The following SPAG16 variants were observed in gnomAD, a reference collection of about 807,000 sequenced individuals.
SPAG16 encodes the protein sperm associated antigen 16.
In SPAG16, 86 loss-of-function variants were observed where a neutral mutation model predicts 80.4. The ratio of observed to expected loss-of-function variants is 1.07; its 90% CI spans 0.90 to 1.28. The LOEUF is 1.28. Ranked by LOEUF, SPAG16 falls within the 50% of genes most tolerant of loss-of-function variation. SPAG16 has a pLI of 0.00. For synonymous variants in SPAG16, 294 were observed against 265.9 expected (o/e 1.11, Z -1.03); for missense variants, 870 against 765.3 (o/e 1.14, Z -1.61).
intron 10 of SPAG16, among the ~76,000 whole-genome samples, chr2:213,674,677 T>G (rs1348742148): frequency 6.7e-6 from 1 of 150,080 alleles, no homozygotes; most frequent in Middle Eastern, 3.2e-3. Context: ...GAATGATGAT[T>G]TCCAATTTCA....
intron 12 of SPAG16, among the ~76,000 whole-genome samples, chr2:214,005,000 A>C (rs918388520): frequency 1.3e-5 from 2 of 152,238 alleles, no homozygotes; most frequent in Middle Eastern, 3.2e-3. Context: ...TAGAACACTA[A>C]GCACTCAATA....
chr2:214,104,576 G>A (rs530880549), intron 13 of SPAG16, among the ~76,000 whole-genome samples: 1 of 151,684 alleles, frequency 6.6e-6, no homozygotes, highest in South Asian at 2.1e-4. Flanking sequence ...GGCTGGAGTG[G>A]GGGAAGAAAA....
Position 213,788,303 on chromosome 2 carries a change from A to G in SPAG16, c.1071-74182A>G, listed in dbSNP as rs74787920. Among the ~76,000 whole-genome samples the G allele has an allele frequency of 4.0e-3, 613 of 152,064 alleles. 21 individuals carry two copies. In the East Asian group the frequency reaches 0.093, roughly 23 times the overall value. On this transcript the variant is annotated intron_variant, in intron 10 of 15. Coordinates refer to ENST00000331683, the MANE Select transcript of SPAG16 (RefSeq NM_024532.5). ...GAAGTAAATGGTCATAATAACCTAT[A>G]AAAAGGAAATAAGCTACACAATCAC...
chr2:213,293,029 G>A (rs753773642), intron 1 of SPAG16, among the ~76,000 whole-genome samples: 6 of 152,244 alleles, frequency 3.9e-5, no homozygotes, highest in South Asian at 2.1e-4. Context: ...GTAATAATCC[G>A]TATGTGTCAA....
At chr2:213,711,783 G>A (rs1039013205) in intron 10 of SPAG16, among the ~76,000 whole-genome samples, 19 of 151,966 alleles carry the variant, frequency 1.3e-4, no homozygotes, top group Non-Finnish European at 2.4e-4. Flanking sequence ...GCCTCCCAAA[G>A]TGCTGGGATT....
chr2:214,139,011 CTGTT>C (rs2055208997), intron 14 of SPAG16, among the ~76,000 whole-genome samples: 1 of 152,104 alleles, frequency 6.6e-6, no homozygotes, highest in African/African-American at 2.4e-5. Flanking sequence ...AAATAAAACA[CTGTT>C]TGAATTTATT....
intron 13 of SPAG16, among the ~76,000 whole-genome samples, chr2:214,093,639 G>C (rs903381504): frequency 6.6e-6 from 1 of 151,950 alleles, no homozygotes; most frequent in African/African-American, 2.4e-5. Context: ...TTTTTTAACA[G>C]CCATATAGCA....
chr2:213,983,794 A>G (rs1210305005), intron 12 of SPAG16, among the ~76,000 whole-genome samples: 3 of 152,148 alleles, frequency 2.0e-5, no homozygotes, highest in Middle Eastern at 3.4e-3. Flanking sequence ...CCCATTACCT[A>G]CTATTCTTGT....
chr2:214,379,469 G>A (rs2126104257), intron 15 of SPAG16, among the ~76,000 whole-genome samples: 1 of 152,332 alleles, frequency 6.6e-6, no homozygotes, highest in African/African-American at 2.4e-5. Context: ...CACTCCAAGA[G>A]TTGGATATAT....
chr2:213,711,641 T>A (rs1228776553), intron 10 of SPAG16, among the ~76,000 whole-genome samples: 1 of 151,804 alleles, frequency 6.6e-6, no homozygotes, highest in Non-Finnish European at 1.5e-5. Context: ...TCCCTTAGCC[T>A]CCTGAGTAGC....
intron 15 of SPAG16, among the ~76,000 whole-genome samples, chr2:214,207,210 G>A (rs1222930888): frequency 2.6e-5 from 4 of 152,140 alleles, no homozygotes; most frequent in Non-Finnish European, 5.9e-5. Context: ...CTGGGTGCCA[G>A]AATGCTGATT....
At chr2:214,143,199 A>G (rs1455233667) in intron 14 of SPAG16, among the ~76,000 whole-genome samples, 1 of 149,420 alleles carries the variant, frequency 6.7e-6, no homozygotes, top group African/African-American at 2.5e-5. Context: ...TCATTCATAA[A>G]ATGGAGGTGA....
chr2:213,593,220 T>C (rs2060768843), intron 10 of SPAG16, among the ~76,000 whole-genome samples: 1 of 152,174 alleles, frequency 6.6e-6, no homozygotes, highest in Admixed American at 6.5e-5. Flanking sequence ...CTTGATATTT[T>C]CCTGTGTGGC....
At chr2:214,375,621 G>A (rs149670399) in intron 15 of SPAG16, among the ~76,000 whole-genome samples, 47 of 152,146 alleles carry the variant, frequency 3.1e-4, no homozygotes, top group African/African-American at 8.0e-4. Flanking sequence ...AAATGTGAAC[G>A]TATATGGTAA....
chr2:213,992,151 G>A (rs141711431), intron 12 of SPAG16, among the ~76,000 whole-genome samples: 4 of 152,018 alleles, frequency 2.6e-5, no homozygotes, highest in African/African-American at 4.8e-5. Flanking sequence ...ACAAAGCCCC[G>A]TTTATAAAGT....
At chr2:213,520,414 G>C (rs1001943230) in intron 10 of SPAG16, among the ~76,000 whole-genome samples, 1 of 150,868 alleles carries the variant, frequency 6.6e-6, no homozygotes, top group African/African-American at 2.5e-5. Context: ...GTGAAACCCC[G>C]TCTCTACTAA....
intron 1 of SPAG16, chr2:213,285,779 G>A (rs2062033262): frequency 1.7e-6 from 1 of 583,718 alleles, no homozygotes; most frequent in Admixed American, 3.3e-5. Flanking sequence ...AAATATATGG[G>A]TGCTTTAGTG....
At chr2:214,182,164 GTATA>G in intron 15 of SPAG16, among the ~76,000 whole-genome samples, 1 of 151,414 alleles carries the variant, frequency 6.6e-6, no homozygotes, top group Non-Finnish European at 1.5e-5. Context: ...TATTGTACAT[GTATA>G]TATATAACAA....
At chr2:214,220,532 C>A (rs568054983) in intron 15 of SPAG16, among the ~76,000 whole-genome samples, 2 of 152,174 alleles carry the variant, frequency 1.3e-5, no homozygotes, top group East Asian at 3.9e-4. Context: ...TCTCAGACTC[C>A]CCATTCACAC....
Sources: gnomAD v4.1 joint callset for allele counts (sites outside exome capture counted in the v4.1 genomes callset) on GRCh38, gnomAD v4.1.1 for gene constraint, MANE v1.5 for transcripts, NCBI Gene and HGNC (gene_info 2026-07-23, HGNC 2026-07-21) for gene names.